Variants in LRRC4C observed in about 807,000 individuals in gnomAD.
LRRC4C encodes the protein leucine-rich repeat-containing protein 4C.
Under a neutral mutation model 33.6 loss-of-function variants are expected in LRRC4C, and 5 were observed. The observed-to-expected ratio is 0.15, with a 90% confidence interval of 0.08 to 0.31. The LOEUF (loss-of-function observed/expected upper bound fraction) is 0.31. LRRC4C is among the 10% of genes least tolerant of loss of function. The pLI is 1.00. For missense variants in LRRC4C, 560 were observed against 796.7 expected (o/e 0.70, Z 3.58); for synonymous variants, 329 against 302.0 (o/e 1.09, Z -0.93).
intron 2 of LRRC4C, among the ~76,000 whole-genome samples, chr11:40,678,538 C>T (rs1370930691): frequency 6.6e-6 from 1 of 152,054 alleles, no homozygotes; most frequent in Non-Finnish European, 1.5e-5. Context: ...AATTGTAGCT[C>T]CCATAATCCC....
At chr11:40,437,083 T>C (rs1489598330) in intron 3 of LRRC4C, among the ~76,000 whole-genome samples, 1 of 152,196 alleles carries the variant, frequency 6.6e-6, no homozygotes, top group Non-Finnish European at 1.5e-5. Context: ...TTAACTTTTC[T>C]GATAGTTGTT....
intron 2 of LRRC4C, among the ~76,000 whole-genome samples, chr11:40,887,207 A>G (rs571162994): frequency 6.4e-5 from 2 of 31,354 alleles, no homozygotes; most frequent in South Asian, 2.2e-3. Context: ...GCTAATACAC[A>G]TAAAAAAAAG....
chr11:40,212,178 T>C (rs1012108441), intron 5 of LRRC4C, among the ~76,000 whole-genome samples: 2 of 152,346 alleles, frequency 1.3e-5, no homozygotes, highest in Non-Finnish European at 2.9e-5. Flanking sequence ...CACTCAGTAG[T>C]AATTTTGATC....
At chr11:40,190,750 A>C (rs1337105377) in intron 5 of LRRC4C, among the ~76,000 whole-genome samples, 6 of 152,218 alleles carry the variant, frequency 3.9e-5, no homozygotes, top group African/African-American at 1.4e-4. Context: ...TTGAATAAGC[A>C]AATAGTTATA....
At chr11:40,705,410 A>G (rs188781664) in intron 2 of LRRC4C, among the ~76,000 whole-genome samples, 45 of 151,936 alleles carry the variant, frequency 3.0e-4, no homozygotes, top group African/African-American at 1.0e-3. Flanking sequence ...CCTGTGTCCA[A>G]GTGTTCTCAT....
In LRRC4C at chr11:41,075,683, A is replaced by AT. The variant is rs1202700976; in HGVS notation, c.-495-141961dup. On this transcript the variant is annotated intron_variant, in intron 1 of 6. Transcript: ENST00000528697. Reference sequence around the variant, plus strand: ...ACATCTCCTAATCAACATTCACTACATTTTTTTCTCCTAATAGCATATTTC... The same window carrying AT: ...ACATCTCCTAATCAACATTCACTACATTTTTTTTCTCCTAATAGCATATTTC... Among the ~76,000 whole-genome samples the AT allele has an allele frequency of 2.0e-5, 3 of 152,086 alleles. No homozygotes were observed. In the South Asian group the frequency reaches 6.2e-4, roughly 32 times the overall value.
At chr11:40,749,100 A>C (rs371958730) in intron 2 of LRRC4C, among the ~76,000 whole-genome samples, 4 of 152,182 alleles carry the variant, frequency 2.6e-5, no homozygotes, top group Middle Eastern at 3.2e-3. Context: ...GCAAGATTTA[A>C]ATTGGAATTT....
intron 1 of LRRC4C, among the ~76,000 whole-genome samples, chr11:41,125,431 T>C (rs1005338366): frequency 6.6e-6 from 1 of 152,208 alleles, no homozygotes. Flanking sequence ...CCTATTTTTG[T>C]CTGAAACAAC....
In LRRC4C at chr11:40,819,556, T is replaced by C. The variant is rs1022092690; in HGVS notation, c.-407+114079A>G. On this transcript the variant is annotated intron_variant, in intron 2 of 6. Transcript: ENST00000528697. ...ACAATGGATTTTCAAAGCTTCACAT[T>C]GCATGGTTGGGGAAAATATATTCCT... Among the ~76,000 whole-genome samples the C allele has an allele frequency of 9.9e-4, 151 of 152,232 alleles. 1 individual carries two copies. Among genetic ancestry groups the C allele is most frequent in the African/African-American group, 3.4e-3 (143 of 41,576 alleles).
At chr11:40,827,199 C>A (rs1225803767) in intron 2 of LRRC4C, among the ~76,000 whole-genome samples, 2 of 151,658 alleles carry the variant, frequency 1.3e-5, no homozygotes, top group Admixed American at 6.6e-5. Flanking sequence ...ATCTAGGAGG[C>A]TGGTTGCTGA....
intron 2 of LRRC4C, among the ~76,000 whole-genome samples, chr11:40,904,745 ATC>A (rs141127153): frequency 6.6e-6 from 1 of 151,034 alleles, no homozygotes; most frequent in African/African-American, 2.4e-5. Flanking sequence ...GGTTTATGTT[ATC>A]TCTCTCTCTC....
At chr11:40,554,810 C>T (rs902637627) in intron 3 of LRRC4C, among the ~76,000 whole-genome samples, 2 of 139,590 alleles carry the variant, frequency 1.4e-5, no homozygotes, top group Non-Finnish European at 3.0e-5. Flanking sequence ...CAAGCTCCGC[C>T]TCCCGGGTTC....
At chr11:40,693,340 A>T (rs1240781413) in intron 2 of LRRC4C, among the ~76,000 whole-genome samples, 4 of 152,198 alleles carry the variant, frequency 2.6e-5, no homozygotes, top group Admixed American at 6.6e-5. Context: ...TATAATGATT[A>T]GAATTCCATT....
intron 2 of LRRC4C, among the ~76,000 whole-genome samples, chr11:40,831,339 T>C (rs1392829445): frequency 6.6e-6 from 1 of 152,108 alleles, no homozygotes; most frequent in African/African-American, 2.4e-5. Flanking sequence ...AATCCTTTAG[T>C]AGTCAGGCAG....
In LRRC4C at chr11:40,975,423, C is replaced by T. The variant is rs190898418; in HGVS notation, c.-495-41700G>A. Among the ~76,000 whole-genome samples, 57 of 152,314 alleles carry T rather than the reference C, an allele frequency of 3.7e-4. No homozygotes were observed. The East Asian group carries it at 0.011, about 28-fold the overall frequency. On this transcript the variant is annotated intron_variant, in intron 1 of 6. Transcript: ENST00000528697. ...ACAATAAGCTTGACCCCGCATGATA[C>T]AATCCCTGCCTTCTCATTATTTCTC...
chr11:40,744,273 G>A (rs1168369670), intron 2 of LRRC4C, among the ~76,000 whole-genome samples: 2 of 152,132 alleles, frequency 1.3e-5, no homozygotes, highest in Non-Finnish European at 2.9e-5. Flanking sequence ...TGAGAGACAA[G>A]TGTGGGAGTC....
intron 1 of LRRC4C, among the ~76,000 whole-genome samples, chr11:41,176,991 A>G (rs1945231182): frequency 6.7e-6 from 1 of 149,942 alleles, no homozygotes; most frequent in Non-Finnish European, 1.5e-5. Context: ...ACAAAACAAA[A>G]CAAAACAAAA....
chr11:40,741,127 GA>G (rs995624084), intron 2 of LRRC4C, among the ~76,000 whole-genome samples: 2 of 151,626 alleles, frequency 1.3e-5, no homozygotes. Context: ...ATAAGGTAAG[GA>G]AAAAAAGCCC....
intron 4 of LRRC4C, among the ~76,000 whole-genome samples, chr11:40,259,814 G>A (rs1345322799): frequency 6.6e-6 from 1 of 152,006 alleles, no homozygotes; most frequent in Non-Finnish European, 1.5e-5. Flanking sequence ...GGTTACTGTA[G>A]CCTGGCCATC....
Sources: gnomAD v4.1 joint callset for allele counts (sites outside exome capture counted in the v4.1 genomes callset) on GRCh38, gnomAD v4.1.1 for gene constraint, MANE v1.5 for transcripts, NCBI Gene and HGNC (gene_info 2026-07-23, HGNC 2026-07-21) for gene names.